The following MARCHF1 variants were observed in gnomAD, a reference collection of about 807,000 sequenced individuals.
The protein encoded by MARCHF1 is membrane associated ring-CH-type finger 1.
Under a neutral mutation model 54.2 loss-of-function variants are expected in MARCHF1, and 40 were observed. That is an observed-to-expected ratio of 0.74 (90% CI 0.57 to 0.96). The LOEUF (loss-of-function observed/expected upper bound fraction) is 0.96. MARCHF1 is among the 40% of genes least tolerant of loss of function. MARCHF1 has a pLI of 0.00. For missense variants in MARCHF1, 586 were observed against 656.5 expected, an observed-to-expected ratio of 0.89 and a Z score of 1.17; for synonymous variants, 236 against 236.3, an observed-to-expected ratio of 1.00 and a Z score of 0.01.
rs1293793687 is a variant in MARCHF1 at position 163,854,025 on chromosome 4, G to A, written c.107C>T (p.Thr36Ile). The change falls in exon 4 of 10, where the codon ACA (threonine) becomes ATA (isoleucine). Residue 36 changes from threonine (T) to isoleucine (I), a missense_variant. Physicochemically the swap from Thr to Ile is moderately conservative, Grantham distance 89. Transcript: ENST00000514618. Reference sequence around the variant, plus strand: ...GTAAAGTAACTTTCCACTCACCAATGTGGAGGTTTGTGAGGCGTCAGCCAA... The same window carrying A: ...GTAAAGTAACTTTCCACTCACCAATATGGAGGTTTGTGAGGCGTCAGCCAA... ...GDLADASQTS[T>I]LNEKSPGRSA... 3 of 1,536,712 alleles carry A rather than the reference G, an allele frequency of 2.0e-6. No homozygotes were observed. The highest frequency in any genetic ancestry group is 1.4e-5 in the African/African-American group (1 of 73,116).
At chr4:164,203,674 A>G (rs1731519842) in intron 1 of MARCHF1, among the ~76,000 whole-genome samples, 1 of 152,212 alleles carries the variant, frequency 6.6e-6, no homozygotes, top group African/African-American at 2.4e-5. Context: ...TTGACCAAAT[A>G]TGGGCACAAT....
chr4:163,812,909 G>A (rs1397273859), intron 4 of MARCHF1, among the ~76,000 whole-genome samples: 1 of 152,160 alleles, frequency 6.6e-6, no homozygotes, highest in Non-Finnish European at 1.5e-5. Context: ...CAGGGGATAG[G>A]ACAATGCTAC....
chr4:164,289,397 G>A (rs977283898), intron 1 of MARCHF1, among the ~76,000 whole-genome samples: 1 of 151,900 alleles, frequency 6.6e-6, no homozygotes, highest in East Asian at 1.9e-4. Context: ...GGATTTTGAA[G>A]GTAATGAAAC....
chr4:164,064,061 T>C lies in MARCHF1; in HGVS notation c.-248+47527A>G, dbSNP rs551551724. Among the ~76,000 whole-genome samples, 348 of 152,362 alleles carry C rather than the reference T, an allele frequency of 2.3e-3. 2 individuals carry two copies. The highest frequency in any genetic ancestry group is 7.9e-3 in the African/African-American group (329 of 41,578). ...CAGTACCATGCTGTTTTGGTTACTG[T>C]AGCCCTGTAGTATAGTTTGAAGTCA... On this transcript the variant is annotated intron_variant, in intron 2 of 9. Coordinates refer to ENST00000514618, the MANE Select transcript of MARCHF1 (RefSeq NM_001394959.1).
At chr4:164,267,579 TGA>T (rs1422845951) in intron 1 of MARCHF1, among the ~76,000 whole-genome samples, 1 of 152,058 alleles carries the variant, frequency 6.6e-6, no homozygotes, top group Non-Finnish European at 1.5e-5. Context: ...ACCATGTGAG[TGA>T]GCTGGGAAGA....
At chr4:164,044,785 C>T (rs186769819) in intron 2 of MARCHF1, among the ~76,000 whole-genome samples, 129 of 151,784 alleles carry the variant, frequency 8.5e-4, no homozygotes, top group African/African-American at 3.0e-3. Context: ...ACTATAGATT[C>T]TCTACATAAG....
At chr4:163,871,517 T>C (rs1161654308) in intron 3 of MARCHF1, among the ~76,000 whole-genome samples, 1 of 152,158 alleles carries the variant, frequency 6.6e-6, no homozygotes. Flanking sequence ...ATACAAGTCT[T>C]TGCCTGCTAG....
intron 5 of MARCHF1, among the ~76,000 whole-genome samples, chr4:163,681,437 T>C (rs1744099763): frequency 6.6e-6 from 1 of 152,074 alleles, no homozygotes; most frequent in South Asian, 2.1e-4. Context: ...TAGGCTGATA[T>C]AGTTTGGTTA....
chr4:163,867,955 T>C (rs1055360726), intron 3 of MARCHF1, among the ~76,000 whole-genome samples: 1 of 151,840 alleles, frequency 6.6e-6, no homozygotes, highest in Non-Finnish European at 1.5e-5. Context: ...ACTTCATCAG[T>C]AGCTCAGCAA....
chr4:163,879,355 G>T (rs2111238852), intron 3 of MARCHF1, among the ~76,000 whole-genome samples: 1 of 152,198 alleles, frequency 6.6e-6, no homozygotes, highest in Admixed American at 6.5e-5. Context: ...TATAACATTT[G>T]TATAACTACA....
chr4:164,271,077 G>C (rs1257223816), intron 1 of MARCHF1, among the ~76,000 whole-genome samples: 1 of 152,156 alleles, frequency 6.6e-6, no homozygotes, highest in African/African-American at 2.4e-5. Context: ...AACTGATTTG[G>C]ATGTCATTAG....
intron 3 of MARCHF1, among the ~76,000 whole-genome samples, chr4:163,947,091 G>T (rs184630457): frequency 6.6e-6 from 1 of 152,180 alleles, no homozygotes; most frequent in East Asian, 1.9e-4. Context: ...CTCAGCAAGT[G>T]TACATAGAAA....
Position 163,524,811 on chromosome 4 carries a change from A to G in MARCHF1, c.*3937T>C, listed in dbSNP as rs1738042587. The G allele has an allele frequency of 6.6e-6, 1 of 152,212 alleles. No individual in the cohort carries two copies. Among genetic ancestry groups the G allele is most frequent in the Non-Finnish European group, 1.5e-5 (1 of 68,032 alleles). The allele number at this position is 152,212 out of a possible 1,614,324, so 9.4% of individuals were successfully genotyped here. ...CTTTAGTACACATGATTCACAAAACAGTAAATTGTTAATGCAAGAGAATTA... is the reference window on the plus strand; with the variant it reads ...CTTTAGTACACATGATTCACAAAACGGTAAATTGTTAATGCAAGAGAATTA... On this transcript the variant is annotated 3_prime_UTR_variant, in exon 10 of 10. Coordinates refer to ENST00000514618, the MANE Select transcript of MARCHF1 (RefSeq NM_001394959.1).
intron 9 of MARCHF1, among the ~76,000 whole-genome samples, chr4:163,537,304 A>G (rs547226287): frequency 3.3e-5 from 5 of 152,262 alleles, no homozygotes; most frequent in Admixed American, 3.3e-4. Flanking sequence ...GTCAGTTTCT[A>G]TGCTATTGTT....
At chr4:164,201,283 G>T (rs910057685) in intron 1 of MARCHF1, among the ~76,000 whole-genome samples, 2 of 152,004 alleles carry the variant, frequency 1.3e-5, no homozygotes, top group African/African-American at 2.4e-5. Flanking sequence ...GCAATGGTGC[G>T]ATCTCGGCTC....
At chr4:163,964,896 T>C (rs183498661) in intron 3 of MARCHF1, among the ~76,000 whole-genome samples, 247 of 152,094 alleles carry the variant, frequency 1.6e-3, no homozygotes, top group African/African-American at 5.5e-3. Flanking sequence ...TATTCTTGCA[T>C]CAGCAGTGCC....
chr4:163,889,287 C>T (rs1750603810), intron 3 of MARCHF1, among the ~76,000 whole-genome samples: 1 of 152,116 alleles, frequency 6.6e-6, no homozygotes, highest in Non-Finnish European at 1.5e-5. Flanking sequence ...AGTAGATATT[C>T]TTTTCATCTC....
chr4:164,248,841 C>A (rs953033502), intron 1 of MARCHF1, among the ~76,000 whole-genome samples: 2 of 151,404 alleles, frequency 1.3e-5, no homozygotes, highest in Admixed American at 6.6e-5. Context: ...CAGAAAAGAT[C>A]AAAAAAACAC....
At chr4:164,034,465 T>C (rs544729770) in intron 2 of MARCHF1, among the ~76,000 whole-genome samples, 2 of 152,266 alleles carry the variant, frequency 1.3e-5, no homozygotes, top group Admixed American at 1.3e-4. Flanking sequence ...GTAATCCCAC[T>C]ACTAGGTATG....
Sources: gnomAD v4.1 joint callset for allele counts (sites outside exome capture counted in the v4.1 genomes callset) on GRCh38, gnomAD v4.1.1 for gene constraint, MANE v1.5 for transcripts, NCBI Gene and HGNC (gene_info 2026-07-23, HGNC 2026-07-21) for gene names.